GPR158: variants seen among roughly 807,000 people sequenced by gnomAD.
GPR158 encodes the protein metabotropic glycine receptor.
A neutral mutation model predicts 78.2 loss-of-function variants in GPR158; 30 were observed. The observed-to-expected ratio is 0.38, with a 90% CI of 0.29 to 0.52. GPR158 has a LOEUF of 0.52. Among genes scored for constraint, GPR158 ranks in the 20% least tolerant of loss-of-function variants. The probability of loss-of-function intolerance (pLI) is 0.83; values close to 1 mark genes in which losing one functional copy is unlikely to be tolerated. For synonymous variants in GPR158, 581 were observed against 591.1 expected (o/e 0.98, Z 0.25); for missense variants, 1,463 against 1,523.5 (o/e 0.96, Z 0.66).
At chr10:25,320,107 A>G (rs1388870714) in intron 2 of GPR158, among the ~76,000 whole-genome samples, 2 of 152,196 alleles carry the variant, frequency 1.3e-5, no homozygotes, top group African/African-American at 4.8e-5. Flanking sequence ...ATTACAGTTA[A>G]TCATGGTACA....
Position 25,425,348 on chromosome 10 carries a change from AT to A in GPR158, c.1335+12882del, listed in dbSNP as rs1388575570. Among the ~76,000 whole-genome samples the A allele has an allele frequency of 2.0e-5, 3 of 151,988 alleles. No individual in the cohort carries two copies. In the East Asian group the frequency reaches 5.8e-4, roughly 29 times the overall value. ...CAGCACATCCATGCCAATGTCTATTATTTTTTTATTATGGCCATTCTTGCAG... is the reference window on the plus strand; with the variant it reads ...CAGCACATCCATGCCAATGTCTATTATTTTTTATTATGGCCATTCTTGCAG... On this transcript the variant is annotated intron_variant, in intron 4 of 10. Coordinates refer to ENST00000376351, the MANE Select transcript of GPR158 (RefSeq NM_020752.3).
chr10:25,560,970 G>A (rs1836852117), intron 6 of GPR158, among the ~76,000 whole-genome samples: 3 of 151,872 alleles, frequency 2.0e-5, no homozygotes, highest in Admixed American at 2.0e-4. Context: ...TTTTTTTTAA[G>A]AGAAAAGGCT....
At chr10:25,233,610 C>A (rs570790813) in intron 2 of GPR158, among the ~76,000 whole-genome samples, 98 of 152,310 alleles carry the variant, frequency 6.4e-4, no homozygotes, top group Non-Finnish European at 1.2e-3. Context: ...TCTTTGTCTG[C>A]CACTTTTTAA....
At chr10:25,269,660 A>G (rs1854090335) in intron 2 of GPR158, among the ~76,000 whole-genome samples, 1 of 152,178 alleles carries the variant, frequency 6.6e-6, no homozygotes, top group Admixed American at 6.5e-5. Context: ...CACTCACGTA[A>G]ACTTTATATG....
intron 2 of GPR158, among the ~76,000 whole-genome samples, chr10:25,349,684 C>A (rs1855426381): frequency 6.8e-6 from 1 of 146,884 alleles, no homozygotes; most frequent in Admixed American, 6.6e-5. Context: ...GCCTGTGGAA[C>A]TACGAGTCAG....
chr10:25,319,636 A>G (rs1323489459), intron 2 of GPR158, among the ~76,000 whole-genome samples: 1 of 152,206 alleles, frequency 6.6e-6, no homozygotes, highest in Non-Finnish European at 1.5e-5. Context: ...TTTATCTAAA[A>G]CATAAAAGAA....
chr10:25,457,001 C>T (rs1241208992), intron 4 of GPR158, among the ~76,000 whole-genome samples: 1 of 151,940 alleles, frequency 6.6e-6, no homozygotes, highest in Admixed American at 6.6e-5. Context: ...GTGTTGGAGT[C>T]TCGCCCTGTC....
At chr10:25,350,213 A>G (rs1300548999) in intron 2 of GPR158, among the ~76,000 whole-genome samples, 2 of 151,804 alleles carry the variant, frequency 1.3e-5, no homozygotes, top group Non-Finnish European at 2.9e-5. Flanking sequence ...GGGAGGGGCA[A>G]CCCCATTCAT....
rs1299542337 is a variant in GPR158, at chr10:25,176,717, CAA to C, written c.902+396_902+397del. Among the ~76,000 whole-genome samples, 1 of 152,238 alleles carries C rather than the reference CAA, an allele frequency of 6.6e-6. No homozygotes were observed. The highest frequency in any genetic ancestry group is 6.5e-5 in the Admixed American group (1 of 15,290). On this transcript the variant is annotated intron_variant, in intron 1 of 10. Transcript: ENST00000376351. The surrounding 1 kb of genome is among the most constrained non-coding windows in gnomAD (Gnocchi z 6.3). ...AGCGCCGGGTGTGTCCGCGGAGTGG[CAA>C]GCCTCAGATGAGAGGCGAAAAGGGA...
intron 2 of GPR158, among the ~76,000 whole-genome samples, chr10:25,285,627 C>T (rs896396570): frequency 6.6e-6 from 1 of 152,130 alleles, no homozygotes; most frequent in African/African-American, 2.4e-5. Context: ...GTTTTTTTCC[C>T]TCTGGATCCC....
At position 25,402,956 on chromosome 10, in the gene GPR158, TGGAATGTATA is replaced by T. The variant is rs1245283610; in HGVS notation, c.1111+6944_1111+6953del. On this transcript the variant is annotated intron_variant, in intron 3 of 10. Transcript: ENST00000376351. ...TATTATATACTCATTCAATAAACTT[TGGAATGTATA>T]CAAAGTAGAATTTTAAAGACCATTC... Among the ~76,000 whole-genome samples, 26 of 151,860 alleles carry T rather than the reference TGGAATGTATA, an allele frequency of 1.7e-4. No individual in the cohort carries two copies. The South Asian group carries it at 2.3e-3, about 13-fold the overall frequency.
intron 3 of GPR158, among the ~76,000 whole-genome samples, chr10:25,402,434 T>C (rs1425046024): frequency 7.2e-5 from 11 of 152,082 alleles, no homozygotes. Context: ...ATGGGCTATG[T>C]ATTAGATGAT....
chr10:25,496,485 G>A (rs1835882212), intron 5 of GPR158, among the ~76,000 whole-genome samples: 2 of 152,198 alleles, frequency 1.3e-5, no homozygotes, highest in Admixed American at 6.5e-5. Flanking sequence ...AGATAAGCAG[G>A]TGTTTAACAA....
chr10:25,561,912 G>C (rs1836865471), intron 6 of GPR158, among the ~76,000 whole-genome samples: 1 of 152,080 alleles, frequency 6.6e-6, no homozygotes, highest in African/African-American at 2.4e-5. Flanking sequence ...GCAGAACCCA[G>C]GTTTTAAGCC....
chr10:25,538,751 A>C (rs1206240063), intron 5 of GPR158, among the ~76,000 whole-genome samples: 1 of 152,160 alleles, frequency 6.6e-6, no homozygotes, highest in Non-Finnish European at 1.5e-5. Context: ...TTTTTTCACT[A>C]AACATAAATC....
intron 4 of GPR158, among the ~76,000 whole-genome samples, chr10:25,440,737 CA>C (rs1416054988): frequency 6.6e-6 from 1 of 152,086 alleles, no homozygotes; most frequent in Non-Finnish European, 1.5e-5. Flanking sequence ...TCTGCTGATT[CA>C]TTTAACTTTC....
intron 5 of GPR158, among the ~76,000 whole-genome samples, chr10:25,517,928 AAT>A (rs1276766989): frequency 9.1e-6 from 1 of 110,072 alleles, no homozygotes; most frequent in African/African-American, 4.1e-5. Flanking sequence ...TATTGATTGG[AAT>A]AGTTTCAGAA....
intron 6 of GPR158, among the ~76,000 whole-genome samples, 174 bp from the exon 7 acceptor site, chr10:25,572,475 C>T (rs550939708): frequency 3.3e-5 from 5 of 152,272 alleles, no homozygotes; most frequent in Admixed American, 2.6e-4. Flanking sequence ...TGCACTCCAG[C>T]ATGGGCAACA....
intron 5 of GPR158, among the ~76,000 whole-genome samples, chr10:25,514,822 A>G (rs949690553): frequency 4.6e-5 from 7 of 152,222 alleles, no homozygotes; most frequent in African/African-American, 7.2e-5. Context: ...GTTTTTGTTT[A>G]AGGAGGCTAA....
Sources: gnomAD v4.1 joint callset for allele counts (sites outside exome capture counted in the v4.1 genomes callset) on GRCh38, gnomAD v4.1.1 for gene constraint, Gnocchi (gnomAD v3.1) non-coding constraint, MANE v1.5 for transcripts, NCBI Gene and HGNC (gene_info 2026-07-23, HGNC 2026-07-21) for gene names.